Variants in KDM4A observed in about 807,000 individuals in gnomAD.
KDM4A encodes lysine-specific demethylase 4A.
A neutral mutation model predicts 127.1 loss-of-function variants in KDM4A; 23 were observed. That is an observed-to-expected ratio of 0.18 (90% CI 0.13 to 0.26). The LOEUF (loss-of-function observed/expected upper bound fraction) is 0.26. KDM4A is among the 10% of genes least tolerant of loss of function. KDM4A has a pLI of 1.00. For synonymous variants in KDM4A, 443 were observed against 466.5 expected (o/e 0.95, Z 0.65); for missense variants, 890 against 1,329.1 (o/e 0.67, Z 5.14).
chr1:43,651,705 C>T (rs1660117731), intron 1 of KDM4A, among the ~76,000 whole-genome samples: 1 of 152,156 alleles, frequency 6.6e-6, no homozygotes, highest in African/African-American at 2.4e-5. Context: ...TACTGGTGTT[C>T]CTTCTAGAAT....
At chr1:43,663,162 C>A in intron 5 of KDM4A, 75 bp downstream of exon 5, 1 of 1,351,092 alleles carries the variant, frequency 7.4e-7, no homozygotes, top group Non-Finnish European at 1.0e-6. Flanking sequence ...GTGGGAAGCA[C>A]CTCAGGATTG....
intron 3 of KDM4A, among the ~76,000 whole-genome samples, chr1:43,656,616 G>A (rs1660246757): frequency 6.6e-6 from 1 of 151,906 alleles, no homozygotes; most frequent in African/African-American, 2.4e-5. Context: ...GGGATTACAG[G>A]CAAGAGCCAC....
intron 20 of KDM4A, 31 bp downstream of exon 20, chr1:43,703,767 G>T (rs767839730): frequency 6.2e-7 from 1 of 1,612,976 alleles, no homozygotes. Context: ...CTAGGGAGTG[G>T]GGGGTGCTTG....
intron 10 of KDM4A, among the ~76,000 whole-genome samples, chr1:43,670,547 G>A (rs1450569016): frequency 1.4e-5 from 2 of 146,128 alleles, no homozygotes; most frequent in Non-Finnish European, 3.0e-5. Flanking sequence ...CATACACCAC[G>A]CCTGGCTAAT....
chr1:43,668,346 C>T (rs931352357), intron 9 of KDM4A, among the ~76,000 whole-genome samples: 4 of 152,206 alleles, frequency 2.6e-5, no homozygotes, highest in East Asian at 1.9e-4. Flanking sequence ...AGGACGGTCT[C>T]GATCTCCTGA....
intron 19 of KDM4A, among the ~76,000 whole-genome samples, chr1:43,698,742 G>A (rs1661305200): frequency 6.6e-6 from 1 of 152,188 alleles, no homozygotes; most frequent in Admixed American, 6.5e-5. Context: ...TAGACTTATA[G>A]AAAAGGCGAC....
rs1229602618 is a variant in KDM4A at position 43,694,593 on chromosome 1, G to A, written c.2485-116G>A. 6 of 813,540 alleles carry A rather than the reference G, an allele frequency of 7.4e-6. No homozygotes were observed. The highest frequency in any genetic ancestry group is 1.7e-5 in the South Asian group (1 of 59,846). The allele number at this position is 813,540 out of a possible 1,614,324, so 50.4% of individuals were successfully genotyped here. ...GATTAGAGCAGGCTGGTGTGTCCTT[G>A]TATTTTGGGAAGGGGCTGGCTCTTG... On this transcript the variant is annotated intron_variant, in intron 17 of 21. Coordinates refer to ENST00000372396, the MANE Select transcript of KDM4A (RefSeq NM_014663.3). This position sits in a 1 kb window ranked among gnomAD's most constrained non-coding sequence, Gnocchi z 5.2.
At position 43,662,950 on chromosome 1, in the gene KDM4A, G is replaced by A. The variant is rs1055225578; in HGVS notation, c.486G>A (p.Lys162=). 2.5e-6 allele frequency: 4 copies of A among 1,614,048 alleles called. No individual in the cohort carries two copies. The highest frequency in any genetic ancestry group is 3.4e-6 in the Non-Finnish European group (4 of 1,180,004). ...RLRTILDLVE[K]ESGITIEGVN... ...GAACAATCCTGGACTTGGTGGAAAA[G>A]GAGAGTGGGATCACCATTGAGGGTG... Residue 162 remains lysine (K), a synonymous_variant, in exon 5 of 22, where the codon AAG becomes AAA. Transcript: ENST00000372396.
chr1:43,682,222 G>A (rs561161677), intron 11 of KDM4A, among the ~76,000 whole-genome samples: 2 of 152,314 alleles, frequency 1.3e-5, no homozygotes, highest in African/African-American at 4.8e-5. Flanking sequence ...GGGATTATAG[G>A]CGTGAGCCAC....
At chr1:43,690,770 T>C in intron 13 of KDM4A, 75 bp from the exon 14 acceptor site, 1 of 1,361,214 alleles carries the variant, frequency 7.3e-7, no homozygotes. Flanking sequence ...GCCAGCTTTC[T>C]GCTGATAGAG....
At chr1:43,652,682 T>TC (rs201754786) in intron 1 of KDM4A, among the ~76,000 whole-genome samples, 42 of 139,770 alleles carry the variant, frequency 3.0e-4, no homozygotes, top group African/African-American at 8.5e-4. Context: ...TTTCTTTCTT[T>TC]TTTTTTTTTT....
In KDM4A at chr1:43,686,944, T is replaced by G. The variant is rs562887145; in HGVS notation, c.1856-1970T>G. Among the ~76,000 whole-genome samples, 574 of 152,350 alleles carry G rather than the reference T, an allele frequency of 3.8e-3. 4 individuals carry two copies. Among genetic ancestry groups the G allele is most frequent in the African/African-American group, 0.013 (545 of 41,570 alleles). On this transcript the variant is annotated intron_variant, in intron 12 of 21. Coordinates refer to ENST00000372396, the MANE Select transcript of KDM4A (RefSeq NM_014663.3). Reference sequence around the variant, plus strand: ...ACGTAGTGAACATTTTCCCTCATCATTCAGTATTCACAAATGGAATGATCT... The same window carrying G: ...ACGTAGTGAACATTTTCCCTCATCAGTCAGTATTCACAAATGGAATGATCT...
Position 43,660,369 on chromosome 1 carries a change from C to A in KDM4A, c.386C>A (p.Pro129His). ...RKYWKNLTFN[P>H]PIYGADVNGT... ...TACTGGAAAAATCTTACATTCAATC[C>A]TCCAATCTATGGTGCAGATGTGAAT... The change falls in exon 4 of 22, where the codon CCT (proline) becomes CAT (histidine). Residue 129 changes from proline (P) to histidine (H), a missense_variant. Coordinates refer to ENST00000372396, the MANE Select transcript of KDM4A (RefSeq NM_014663.3). The A allele has an allele frequency of 6.2e-7, 1 of 1,612,498 alleles. No individual in the cohort carries two copies.
chr1:43,671,939 G>A, intron 11 of KDM4A, 64 bp downstream of exon 11: 1 of 1,493,620 alleles, frequency 6.7e-7, no homozygotes, highest in Non-Finnish European at 8.9e-7. Flanking sequence ...GTCGGGAGGG[G>A]ATCTGTGTGG....
chr1:43,692,155 T>C (rs1661132546), intron 15 of KDM4A, 101 bp from the exon 16 acceptor site: 7 of 1,033,610 alleles, frequency 6.8e-6, no homozygotes, highest in South Asian at 6.4e-5. Context: ...TATGCTTCTT[T>C]CTTATGTGGA....
At chr1:43,698,454 T>C (rs1362444042) in intron 19 of KDM4A, among the ~76,000 whole-genome samples, 1 of 152,184 alleles carries the variant, frequency 6.6e-6, no homozygotes, top group East Asian at 1.9e-4. Context: ...CAGTGGGCTT[T>C]AGGGCTAAGT....
intron 19 of KDM4A, 62 bp from the exon 20 acceptor site, chr1:43,703,550 TAGAGG>T: frequency 6.3e-7 from 1 of 1,593,892 alleles, no homozygotes; most frequent in Non-Finnish European, 8.6e-7. Flanking sequence ...CTTCCCTGAG[TAGAGG>T]ACAGTTACCT....
At chr1:43,679,437 T>C (rs1660809770) in intron 11 of KDM4A, among the ~76,000 whole-genome samples, 1 of 152,168 alleles carries the variant, frequency 6.6e-6, no homozygotes, top group African/African-American at 2.4e-5. Flanking sequence ...TGAGCAACTT[T>C]GTCCATCCCT....
In KDM4A at chr1:43,666,482, A is replaced by G; in HGVS notation, c.704A>G (p.Glu235Gly). The change falls in exon 7 of 22, where the codon GAG becomes GGG. Residue 235 changes from glutamate to glycine, a missense_variant. Around this residue, in one of 7 missense-constraint regions of KDM4A, gnomAD observed 141 missense variants for 273.5 expected, o/e 0.52. Coordinates refer to ENST00000372396, the MANE Select transcript of KDM4A (RefSeq NM_014663.3). ...GFFPGSAQSC[E>G]AFLRHKMTLI... ...TTCCCAGGAAGTGCTCAAAGCTGTG[A>G]GGCATTTCTCCGCCACAAGATGACC... 6.2e-7 allele frequency: 1 copy of G among 1,614,186 alleles called. No homozygotes were observed. The highest frequency in any genetic ancestry group is 8.5e-7 in the Non-Finnish European group (1 of 1,180,016).
Sources: gnomAD v4.1 joint callset for allele counts (sites outside exome capture counted in the v4.1 genomes callset) on GRCh38, gnomAD v4.1.1 for gene constraint, gnomAD v4.1.1 regional missense constraint, Gnocchi (gnomAD v3.1) non-coding constraint, MANE v1.5 for transcripts, NCBI Gene and HGNC (gene_info 2026-07-23, HGNC 2026-07-21) for gene names.